Variants in AP5B1 observed in about 807,000 individuals in gnomAD.
The protein encoded by AP5B1 is adaptor related protein complex 5 subunit beta 1, also known as AP-5 complex subunit beta-1.
A neutral mutation model predicts 5.7 loss-of-function variants in AP5B1; 3 were observed. That is an observed-to-expected ratio of 0.53 (90% CI 0.24 to 1.36). AP5B1 has a LOEUF of 1.36. Ranked by LOEUF, AP5B1 falls within the 40% of genes most tolerant of loss-of-function variation. The pLI, the probability that AP5B1 is intolerant of heterozygous loss-of-function variation, is 0.17. For synonymous variants in AP5B1, 696 were observed against 555.5 expected (o/e 1.25, Z -3.56); for missense variants, 1,310 against 1,143.2 (o/e 1.15, Z -2.10).
chr11:65,774,800 C>A lies in AP5B1; in HGVS notation c.*3056G>T, dbSNP rs563579802. 2.6e-5 allele frequency among the ~76,000 whole-genome samples: 4 copies of A among 152,242 alleles called. No individual in the cohort carries two copies. Among genetic ancestry groups the A allele is most frequent in the Non-Finnish European group, 5.9e-5 (4 of 68,048 alleles). Reference sequence around the variant, plus strand: ...AGGAAGGGTATGTGAACATGAGCAACGTCCACACAGGTGGACAAGGTGACC... The same window carrying A: ...AGGAAGGGTATGTGAACATGAGCAAAGTCCACACAGGTGGACAAGGTGACC... On this transcript the variant is annotated 3_prime_UTR_variant, in exon 2 of 2. Transcript: ENST00000532090.
chr11:65,774,412 ATTTCT>A lies in AP5B1; in HGVS notation c.*3439_*3443del, dbSNP rs1268178943. On this transcript the variant is annotated 3_prime_UTR_variant, in exon 2 of 2. Transcript: ENST00000532090. ...TTTGCCCCAAAACTGACCCCTTCAC[ATTTCT>A]TTTTTCTTTTTTGAGACGGAGTCCT... 1.3e-5 allele frequency among the ~76,000 whole-genome samples: 2 copies of A among 151,830 alleles called. No homozygotes were observed. The highest frequency in any genetic ancestry group is 2.9e-5 in the Non-Finnish European group (2 of 67,916).
rs758784099 is a variant in AP5B1 at position 65,779,377 on chromosome 11, G to T, written c.1116C>A (p.Val372=). The T allele has an allele frequency of 6.3e-7, 1 of 1,598,652 alleles. No homozygotes were observed. The highest frequency in any genetic ancestry group is 1.1e-5 in the South Asian group (1 of 89,184). Residue 372 remains valine (V), a synonymous_variant, in exon 2 of 2, where the codon GTC becomes GTA. Coordinates refer to ENST00000532090, the MANE Select transcript of AP5B1 (RefSeq NM_138368.5). ...GCGGCCAGTTCTCAGGGAAGCTCAG[G>T]ACGCAGTGAAGGTAAAAGAGATGGG... ...PPTHLFYLHC[V]LSFPENWPLG...
chr11:65,779,856 C>A lies in AP5B1; in HGVS notation c.637G>T (p.Asp213Tyr). The change falls in exon 2 of 2, where the codon GAT (aspartate) becomes TAT (tyrosine). Residue 213 changes from aspartate to tyrosine, a missense_variant. Coordinates refer to ENST00000532090, the MANE Select transcript of AP5B1 (RefSeq NM_138368.5). ...CCACCCCCAGTTGGGGAGACCTTAT[C>A]CGTGAGCAGTCCCCCCAGGCCAGCC... ...VGAGLGGLLT[D>Y]KVSPTGGGPW... is the part of the protein sequence containing the mutation. The A allele has an allele frequency of 6.3e-7, 1 of 1,598,824 alleles. No individual in the cohort carries two copies. The highest frequency in any genetic ancestry group is 1.7e-5 in the Admixed American group (1 of 58,354).
Position 65,780,003 on chromosome 11 carries a change from G to T in AP5B1, c.490C>A (p.Leu164Met). The T allele has an allele frequency of 6.4e-7, 1 of 1,564,408 alleles. No homozygotes were observed. Among genetic ancestry groups the T allele is most frequent in the Non-Finnish European group, 8.7e-7 (1 of 1,154,938 alleles). The change falls in exon 2 of 2, where the codon CTG (leucine) becomes ATG (methionine). Residue 164 changes from leucine to methionine, a missense_variant. Transcript: ENST00000532090. Reference protein sequence around the residue: ...LRELESCKPGLLGGSLGLLRG... With the variant: ...LRELESCKPGMLGGSLGLLRG... ...AGCAACCCCAGGGAGCCCCCCAGCA[G>T]CCCGGGCTTGCAGCTCTCTAGCTCT...
At position 65,774,610 on chromosome 11, in the gene AP5B1, T is replaced by C. The variant is rs919753297; in HGVS notation, c.*3246A>G. On this transcript the variant is annotated 3_prime_UTR_variant, in exon 2 of 2. Transcript: ENST00000532090. The stretch of plus-strand genomic sequence containing the variant: ...TTTTTAGTAGAGACGGGTTTCACCA[T>C]GTTGGCCAGGCTGGTCTCAAATTCT... Among the ~76,000 whole-genome samples the C allele has an allele frequency of 1.3e-5, 2 of 152,302 alleles. No individual in the cohort carries two copies. The highest frequency in any genetic ancestry group is 4.1e-4 in the South Asian group (2 of 4,830).
In AP5B1 at chr11:65,774,583, G is replaced by C. The variant is rs2508301; in HGVS notation, c.*3273C>G. Among the ~76,000 whole-genome samples, 1 of 151,824 alleles carries C rather than the reference G, an allele frequency of 6.6e-6. No individual in the cohort carries two copies. The highest frequency in any genetic ancestry group is 1.9e-4 in the East Asian group (1 of 5,176). ...CGCCACCACACCCGGCTAATTTTTG[G>C]ATTTTTAGTAGAGACGGGTTTCACC... On this transcript the variant is annotated 3_prime_UTR_variant, in exon 2 of 2. Coordinates refer to ENST00000532090, the MANE Select transcript of AP5B1 (RefSeq NM_138368.5).
rs780496414 is a variant in AP5B1 at position 65,779,840 on chromosome 11, G to C, written c.653C>G (p.Thr218Ser). ...GGLLTDKVSP[T>S]GGGPWDWTLV... The stretch of plus-strand genomic sequence containing the variant: ...TGTCCAATCCCAGGGACCACCCCCA[G>C]TTGGGGAGACCTTATCCGTGAGCAG... Residue 218 changes from threonine to serine, a missense_variant, in exon 2 of 2, where the codon ACT becomes AGT. Physicochemically the swap from Thr to Ser is moderately conservative, Grantham distance 58. Coordinates refer to ENST00000532090, the MANE Select transcript of AP5B1 (RefSeq NM_138368.5). 4.5e-5 allele frequency: 71 copies of C among 1,594,234 alleles called. No homozygotes were observed. Among genetic ancestry groups the C allele is most frequent in the Non-Finnish European group, 5.9e-5 (69 of 1,170,222 alleles).
Position 65,773,932 on chromosome 11 carries a change from G to A in AP5B1, c.*3924C>T, listed in dbSNP as rs1857736030. ...AACATAGTTTATTCATAAGTTGGGG[G>A]CAGGGGAGGCGGGGCATGAAGGTGG... On this transcript the variant is annotated 3_prime_UTR_variant, in exon 2 of 2. Transcript: ENST00000532090. Among the ~76,000 whole-genome samples the A allele has an allele frequency of 6.6e-6, 1 of 152,182 alleles. No individual in the cohort carries two copies. Among genetic ancestry groups the A allele is most frequent in the African/African-American group, 2.4e-5 (1 of 41,432 alleles).
At position 65,779,535 on chromosome 11, in the gene AP5B1, G is replaced by A. The variant is rs748772245; in HGVS notation, c.958C>T (p.Gln320Ter). 1.2e-6 allele frequency: 2 copies of A among 1,607,328 alleles called. No individual in the cohort carries two copies. Among genetic ancestry groups the A allele is most frequent in the South Asian group, 1.1e-5 (1 of 90,668 alleles). ...PQLVRLLGTA[Q>*]LTLLHAMLAL... ...AGCATGGCGTGCAACAGTGTCAGCT[G>A]TGCTGTGCCTAGCAGCCGTACCAGC... The change falls in exon 2 of 2, where the codon CAG becomes TAG. Residue 320 changes from glutamine to a stop codon, truncating the protein, a stop_gained. Transcript: ENST00000532090. LOFTEE classifies it low-confidence loss of function (END_TRUNC).
At position 65,780,534 on chromosome 11, in the gene AP5B1, G is replaced by C. The variant is rs1458898146; in HGVS notation, c.58C>G (p.Pro20Ala). ...AQRLGAFRAS[P>A]SAFMAGPEGE... ...TCGGGACCTGCCATGAAGGCAGACG[G>C]GCTGGCCCGGAAGGCCCCCAAGCGC... Residue 20 changes from proline (P) to alanine (A), a missense_variant, in exon 1 of 2, where the codon CCG becomes GCG. Transcript: ENST00000532090. The C allele has an allele frequency of 1.3e-5, 20 of 1,512,132 alleles. No homozygotes were observed. Among genetic ancestry groups the C allele is most frequent in the Non-Finnish European group, 1.7e-5 (19 of 1,136,784 alleles). 93.7% of individuals were successfully genotyped at this position (1,512,132 alleles called of 1,614,324 possible). A position where few individuals can be genotyped will look rare whatever the true frequency, so the allele number is the denominator to read the frequency against.
At position 65,780,719 on chromosome 11, in the gene AP5B1, C is replaced by G; in HGVS notation, c.-128G>C. 9.6e-7 allele frequency: 1 copy of G among 1,037,178 alleles called. No homozygotes were observed. The highest frequency in any genetic ancestry group is 1.2e-6 in the Non-Finnish European group (1 of 805,660). The allele number at this position is 1,037,178 out of a possible 1,614,324, so 64.2% of individuals were successfully genotyped here. On this transcript the variant is annotated 5_prime_UTR_variant, in exon 1 of 2. Coordinates refer to ENST00000532090, the MANE Select transcript of AP5B1 (RefSeq NM_138368.5). ...AGACGCCGCGCAGATGCCGGCGGGA[C>G]CCGCGCCCGGCTCCCACGGTGAGAC...
chr11:65,779,148 G>A lies in AP5B1; in HGVS notation c.1345C>T (p.Arg449Trp), dbSNP rs368800811. The A allele has an allele frequency of 2.2e-5, 35 of 1,610,104 alleles. No individual in the cohort carries two copies. Among genetic ancestry groups the A allele is most frequent in the East Asian group, 6.7e-5 (3 of 44,824 alleles). Residue 449 changes from arginine (R) to tryptophan (W), a missense_variant, in exon 2 of 2, where the codon CGG becomes TGG. Physicochemically the swap from Arg to Trp is moderately radical, Grantham distance 101 (BLOSUM62 -3). Coordinates refer to ENST00000532090, the MANE Select transcript of AP5B1 (RefSeq NM_138368.5). The stretch of plus-strand genomic sequence containing the variant: ...CCCCCATCCAGGGCTGCCCGCTGCC[G>A]CAAGCCAGCCAGCAGCTCTTCCAGG... ...HYLEELLAGL[R>W]QRAALDGGPR...
Position 65,778,154 on chromosome 11 carries a change from C to A in AP5B1, c.2339G>T (p.Gly780Val). The change falls in exon 2 of 2, where the codon GGC becomes GTC. Residue 780 changes from glycine (G) to valine (V), a missense_variant. Transcript: ENST00000532090. ...FPQPPEGAGL[G>V]FFEELWDSCL... Reference sequence around the variant, plus strand: ...GGAATCCCAGAGCTCCTCAAAGAAGCCCAGCCCGGCCCCCTCTGGAGGCTG... The same window carrying A: ...GGAATCCCAGAGCTCCTCAAAGAAGACCAGCCCGGCCCCCTCTGGAGGCTG... 6.2e-7 allele frequency: 1 copy of A among 1,612,946 alleles called. No homozygotes were observed. The highest frequency in any genetic ancestry group is 2.2e-5 in the East Asian group (1 of 44,884).
In AP5B1 at chr11:65,778,618, G is replaced by A; in HGVS notation, c.1875C>T (p.Pro625=). 1 of 1,595,454 alleles carries A rather than the reference G, an allele frequency of 6.3e-7. No individual in the cohort carries two copies. Residue 625 remains proline (P), a synonymous_variant, in exon 2 of 2, where the codon CCC becomes CCT. Transcript: ENST00000532090. ...YYILLAHLAA[P]KLGVALGPSL... ...AGGGGCCCAGGGCCACCCCCAACTT[G>A]GGTGCTGCCAGGTGTGCCAGCAGGA...
In AP5B1 at chr11:65,779,186, C is replaced by T; in HGVS notation, c.1307G>A (p.Ser436Asn). The T allele has an allele frequency of 6.2e-7, 1 of 1,609,830 alleles. No homozygotes were observed. Among genetic ancestry groups the T allele is most frequent in the Non-Finnish European group, 8.5e-7 (1 of 1,178,272 alleles). Residue 436 changes from serine (S) to asparagine (N), a missense_variant, in exon 2 of 2, where the codon AGC becomes AAC. Transcript: ENST00000532090. ...CAGCTCTTCCAGGTAGTGCCGTGGG[C>T]TTGGAAGCTGGCCTTTCTCCTCTTC... ...EEEEEKGQLP[S>N]PRHYLEELLA...
In AP5B1 at chr11:65,780,609, C is replaced by A; in HGVS notation, c.-18G>T. 1 of 1,405,100 alleles carries A rather than the reference C, an allele frequency of 7.1e-7. No individual in the cohort carries two copies. The highest frequency in any genetic ancestry group is 1.5e-5 in the South Asian group (1 of 68,474). 87.0% of individuals were successfully genotyped at this position (1,405,100 alleles called of 1,614,324 possible). A position where few individuals can be genotyped will look rare whatever the true frequency, so the allele number is the denominator to read the frequency against. On this transcript the variant is annotated 5_prime_UTR_variant, in exon 1 of 2. Transcript: ENST00000532090. Reference sequence around the variant, plus strand: ...GGCCCCATGGTGAGGCGCGCGGGCCCCTGCGCAGGGAAGAGGGACCCTCAG... The same window carrying A: ...GGCCCCATGGTGAGGCGCGCGGGCCACTGCGCAGGGAAGAGGGACCCTCAG...
Position 65,777,767 on chromosome 11 carries a change from G to T in AP5B1, c.*89C>A, listed in dbSNP as rs149598961. The T allele has an allele frequency of 2.2e-6, 3 of 1,388,676 alleles. No individual in the cohort carries two copies. Among genetic ancestry groups the T allele is most frequent in the Admixed American group, 5.8e-5 (2 of 34,750 alleles). The allele number at this position is 1,388,676 out of a possible 1,614,324, so 86.0% of individuals were successfully genotyped here. A position where few individuals can be genotyped will look rare whatever the true frequency, so the allele number is the denominator to read the frequency against. ...GAAAACAAGCCAGCGAGGGCACTGCGGAATGCAGGGTTTTGGCGACAGAGC... is the reference window on the plus strand; with the variant it reads ...GAAAACAAGCCAGCGAGGGCACTGCTGAATGCAGGGTTTTGGCGACAGAGC... On this transcript the variant is annotated 3_prime_UTR_variant, in exon 2 of 2. Coordinates refer to ENST00000532090, the MANE Select transcript of AP5B1 (RefSeq NM_138368.5).
rs941777512 is a variant in AP5B1 at position 65,780,798 on chromosome 11, G to C, written c.-207C>G. The C allele has an allele frequency of 4.7e-5, 19 of 408,110 alleles. No individual in the cohort carries two copies. Among genetic ancestry groups the C allele is most frequent in the Admixed American group, 2.3e-4 (5 of 21,554 alleles). The allele number at this position is 408,110 out of a possible 1,614,324, so 25.3% of individuals were successfully genotyped here. A position where few individuals can be genotyped will look rare whatever the true frequency, so the allele number is the denominator to read the frequency against. ...GGGCGCCGGGGCCCTCGCGGGACAG[G>C]ACAGGAGCAGGGCGGGGGAGGGTGC... On this transcript the variant is annotated 5_prime_UTR_variant, in exon 1 of 2. Coordinates refer to ENST00000532090, the MANE Select transcript of AP5B1 (RefSeq NM_138368.5).
Position 65,780,846 on chromosome 11 carries a change from C to T in AP5B1, c.-255G>A, listed in dbSNP as rs1857843246. ...TGCGTGCCGAGAGCTCGTTAGGCCG[C>T]CTCCCTCCCGCCCGCGGCCCGCACC... On this transcript the variant is annotated 5_prime_UTR_variant, in exon 1 of 2. Transcript: ENST00000532090. 6.2e-6 allele frequency: 2 copies of T among 321,036 alleles called. No homozygotes were observed. The highest frequency in any genetic ancestry group is 3.1e-4 in the South Asian group (2 of 6,508). The allele number at this position is 321,036 out of a possible 1,614,324, so 19.9% of individuals were successfully genotyped here. A position where few individuals can be genotyped will look rare whatever the true frequency, so the allele number is the denominator to read the frequency against.
Sources: allele counts gnomAD v4.1 joint callset (sites outside exome capture counted in the v4.1 genomes callset), GRCh38; gene constraint gnomAD v4.1.1; transcripts MANE v1.5; gene names NCBI Gene and HGNC (gene_info 2026-07-23, HGNC 2026-07-21).